Variants in PRKAR2A observed in about 807,000 individuals in gnomAD.
PRKAR2A encodes the protein cAMP-dependent protein kinase type II-alpha regulatory subunit.
In PRKAR2A, 29 loss-of-function variants were observed where a neutral mutation model predicts 51.9. The observed-to-expected ratio is 0.56, with a 90% CI of 0.42 to 0.76. The LOEUF (loss-of-function observed/expected upper bound fraction) is 0.76. Among genes scored for constraint, PRKAR2A ranks in the 30% least tolerant of loss-of-function variants. The probability of loss-of-function intolerance (pLI) is 0.00; values close to 1 mark genes in which losing one functional copy is unlikely to be tolerated. For missense variants in PRKAR2A, 445 were observed against 512.1 expected (o/e 0.87, Z 1.26); for synonymous variants, 178 against 186.2 (o/e 0.96, Z 0.36).
At chr3:48,821,894 G>A (rs1381376556) in intron 1 of PRKAR2A, among the ~76,000 whole-genome samples, 3 of 139,682 alleles carry the variant, frequency 2.1e-5, no homozygotes. Context: ...CAGCCTGGGC[G>A]ACAGAGCAAC....
intron 8 of PRKAR2A, among the ~76,000 whole-genome samples, chr3:48,761,591 C>T (rs2081863772): frequency 6.6e-6 from 1 of 152,130 alleles, no homozygotes; most frequent in Non-Finnish European, 1.5e-5. Context: ...TTCACCATTT[C>T]AAATATCTAC....
At position 48,749,802 on chromosome 3, in the gene PRKAR2A, T is replaced by G. The variant is rs1224894474; in HGVS notation, c.*1783A>C. The G allele has an allele frequency of 6.6e-6, 1 of 152,120 alleles. No individual in the cohort carries two copies. Among genetic ancestry groups the G allele is most frequent in the African/African-American group, 2.4e-5 (1 of 41,426 alleles). The allele number at this position is 152,120 out of a possible 1,614,324, so 9.4% of individuals were successfully genotyped here. A position where few individuals can be genotyped will look rare whatever the true frequency, so the allele number is the denominator to read the frequency against. ...GCCAATGCCAATTTTTGAAAACAGA[T>G]TTGATCTTTAGGGTAAATGCCTGAG... On this transcript the variant is annotated 3_prime_UTR_variant, in exon 11 of 11. Coordinates refer to ENST00000265563, the MANE Select transcript of PRKAR2A (RefSeq NM_004157.4).
intron 6 of PRKAR2A, among the ~76,000 whole-genome samples, chr3:48,768,581 C>T (rs2081976798): frequency 6.6e-6 from 1 of 151,628 alleles, no homozygotes; most frequent in Non-Finnish European, 1.5e-5. Context: ...ACCTATAGTC[C>T]CAGCTACTTG....
chr3:48,776,275 T>A (rs768413340), intron 5 of PRKAR2A, among the ~76,000 whole-genome samples: 31 of 152,198 alleles, frequency 2.0e-4, no homozygotes, highest in Non-Finnish European at 4.0e-4. Flanking sequence ...TAATTAAAGC[T>A]TATAGCAAAT....
rs150230286 is a variant in PRKAR2A, at chr3:48,825,516, C to T, written c.263-17832G>A. On this transcript the variant is annotated intron_variant, in intron 1 of 10. Transcript: ENST00000265563. Reference sequence around the variant, plus strand: ...ATGATTAGCTGGGCATGGTGGCATGCGCCTGTAATCCCAGCTACCTGGGAG... The same window carrying T: ...ATGATTAGCTGGGCATGGTGGCATGTGCCTGTAATCCCAGCTACCTGGGAG... 3.2e-3 allele frequency among the ~76,000 whole-genome samples: 493 copies of T among 152,122 alleles called. 2 individuals carry two copies. The highest frequency in any genetic ancestry group is 0.012 in the African/African-American group (480 of 41,496).
chr3:48,819,457 G>C (rs1419508936), intron 1 of PRKAR2A, among the ~76,000 whole-genome samples: 1 of 152,196 alleles, frequency 6.6e-6, no homozygotes, highest in Non-Finnish European at 1.5e-5. Context: ...CTGAGACTCA[G>C]AGAATTGTAC....
chr3:48,759,799 T>C (rs1460511111), intron 8 of PRKAR2A, among the ~76,000 whole-genome samples: 1 of 152,234 alleles, frequency 6.6e-6, no homozygotes, highest in African/African-American at 2.4e-5. Context: ...ATTTTAGGTC[T>C]TTGTGAACAT....
intron 2 of PRKAR2A, among the ~76,000 whole-genome samples, chr3:48,795,508 A>G (rs1281524014): frequency 6.6e-6 from 1 of 152,148 alleles, no homozygotes; most frequent in African/African-American, 2.4e-5. Context: ...CCAACAAAAA[A>G]CAACTGATGT....
In PRKAR2A at chr3:48,795,576, G is replaced by A. The variant is rs115456930; in HGVS notation, c.299-1527C>T. 4.1e-3 allele frequency among the ~76,000 whole-genome samples: 631 copies of A among 152,160 alleles called. 4 individuals are homozygous for A. The highest frequency in any genetic ancestry group is 0.017 in the Middle Eastern group (5 of 294). ...TTTTTTGAGAGAGTCTCGTTCCTTC[G>A]CTCAGGTTGAGGTACAGTGGCGCAA... On this transcript the variant is annotated intron_variant, in intron 2 of 10. Transcript: ENST00000265563.
At chr3:48,808,116 C>T (rs1401698777) in intron 1 of PRKAR2A, among the ~76,000 whole-genome samples, 5 of 147,488 alleles carry the variant, frequency 3.4e-5, no homozygotes, top group African/African-American at 1.0e-4. Context: ...GGCGCGATCT[C>T]GGCTCACTGC....
At chr3:48,789,416 T>C (rs2082346741) in intron 4 of PRKAR2A, among the ~76,000 whole-genome samples, 1 of 152,006 alleles carries the variant, frequency 6.6e-6, no homozygotes, top group Non-Finnish European at 1.5e-5. Flanking sequence ...CAGTCTGAGG[T>C]GCAACAGCAA....
At chr3:48,784,381 C>T (rs770961033) in intron 4 of PRKAR2A, among the ~76,000 whole-genome samples, 25 of 152,170 alleles carry the variant, frequency 1.6e-4, no homozygotes, top group African/African-American at 2.4e-4. Context: ...GTTCCACGTG[C>T]GTTGAATACT....
chr3:48,815,279 A>G (rs915950293), intron 1 of PRKAR2A, among the ~76,000 whole-genome samples: 2 of 152,016 alleles, frequency 1.3e-5, no homozygotes, highest in African/African-American at 4.8e-5. Flanking sequence ...GTTATGTACA[A>G]ACATACATAC....
chr3:48,790,693 G>A (rs1276655633), intron 3 of PRKAR2A, 66 bp from the exon 4 acceptor site: 5 of 1,025,968 alleles, frequency 4.9e-6, no homozygotes, highest in Non-Finnish European at 5.4e-6. Context: ...TTAAAGATTG[G>A]TATATTTGTT....
chr3:48,798,260 C>T (rs927004239), intron 2 of PRKAR2A, among the ~76,000 whole-genome samples: 2 of 152,118 alleles, frequency 1.3e-5, no homozygotes, highest in Non-Finnish European at 2.9e-5. Context: ...GCCTCCTAGA[C>T]ATTTCTATTG....
chr3:48,774,698 CTATCT>C (rs2082079951), intron 5 of PRKAR2A, among the ~76,000 whole-genome samples: 1 of 152,048 alleles, frequency 6.6e-6, no homozygotes, highest in African/African-American at 2.4e-5. Flanking sequence ...CTTCCTGTGC[CTATCT>C]TATTTACCTT....
rs1204412223 is a variant in PRKAR2A, at chr3:48,829,573, AATAT to A, written c.262+17758_262+17761del. On this transcript the variant is annotated intron_variant, in intron 1 of 10. Coordinates refer to ENST00000265563, the MANE Select transcript of PRKAR2A (RefSeq NM_004157.4). ...ATATATGTGTATATATACACACATAAATATATATGTGTGTATATATACACACACA... is the reference window on the plus strand; with the variant it reads ...ATATATGTGTATATATACACACATAAATATGTGTGTATATATACACACACA... Among the ~76,000 whole-genome samples the A allele has an allele frequency of 3.3e-4, 15 of 45,442 alleles. No homozygotes were observed. The South Asian group carries it at 6.9e-3, about 21-fold the overall frequency. 29.8% of individuals were successfully genotyped at this position (45,442 alleles called of 152,430 possible). A position where few individuals can be genotyped will look rare whatever the true frequency, so the allele number is the denominator to read the frequency against.
intron 2 of PRKAR2A, among the ~76,000 whole-genome samples, 190 bp from the exon 3 acceptor site, chr3:48,794,239 T>C (rs1186690956): frequency 6.7e-6 from 1 of 150,108 alleles, no homozygotes; most frequent in Middle Eastern, 3.5e-3. Flanking sequence ...GCAACCTCCA[T>C]CTCCCAGGTT....
At chr3:48,812,909 C>A (rs547334130) in intron 1 of PRKAR2A, among the ~76,000 whole-genome samples, 10 of 152,150 alleles carry the variant, frequency 6.6e-5, no homozygotes, top group Non-Finnish European at 1.5e-4. Flanking sequence ...GTTCTACAGA[C>A]AGCAAAAGCT....
Sources: gnomAD v4.1 joint callset for allele counts (sites outside exome capture counted in the v4.1 genomes callset) on GRCh38, gnomAD v4.1.1 for gene constraint, MANE v1.5 for transcripts, NCBI Gene and HGNC (gene_info 2026-07-23, HGNC 2026-07-21) for gene names.